The following CEACAM8 variants were observed in gnomAD, a reference collection of about 807,000 sequenced individuals.
CEACAM8 encodes CEA cell adhesion molecule 8.
Under a neutral mutation model 33.4 loss-of-function variants are expected in CEACAM8, and 31 were observed. That is an observed-to-expected ratio of 0.93 (90% CI 0.70 to 1.25). CEACAM8 has a LOEUF of 1.25. Among genes scored for constraint, CEACAM8 ranks in the 50% most tolerant of loss-of-function variants. The probability of loss-of-function intolerance (pLI) is 0.00; values close to 1 mark genes in which losing one functional copy is unlikely to be tolerated. For missense variants in CEACAM8, 388 were observed against 434.6 expected, an observed-to-expected ratio of 0.89 and a Z score of 0.95; for synonymous variants, 138 against 164.5, an observed-to-expected ratio of 0.84 and a Z score of 1.23.
chr19:42,588,732 C>T lies in CEACAM8; in HGVS notation c.958+52G>A, dbSNP rs1173038455. Reference sequence around the variant, plus strand: ...TTTTTTCTGGCTCATCTCTGAAAGCCAGATAGACTCTACCAGAAAACATAC... The same window carrying T: ...TTTTTTCTGGCTCATCTCTGAAAGCTAGATAGACTCTACCAGAAAACATAC... On this transcript the variant is annotated intron_variant, in intron 4 of 5. Transcript: ENST00000244336. The T allele has an allele frequency of 2.5e-6, 4 of 1,600,706 alleles. No individual in the cohort carries two copies. In the African/African-American group the frequency reaches 4.0e-5, roughly 16 times the overall value.
chr19:42,587,116 A>G (rs559022729), intron 4 of CEACAM8, among the ~76,000 whole-genome samples: 1 of 152,360 alleles, frequency 6.6e-6, no homozygotes, highest in South Asian at 2.1e-4. Flanking sequence ...AGGAAGTGGA[A>G]AAATTGGAGC....
intron 5 of CEACAM8, among the ~76,000 whole-genome samples, chr19:42,582,897 G>A (rs1446833785): frequency 6.6e-6 from 1 of 152,128 alleles, no homozygotes; most frequent in Non-Finnish European, 1.5e-5. Flanking sequence ...GCAGGACTTC[G>A]AGCAGTTGTT....
rs761038493 is a variant in CEACAM8, at chr19:42,580,674, T to C, written c.*720A>G. 6.6e-6 allele frequency: 1 copy of C among 152,398 alleles called. No individual in the cohort carries two copies. Among genetic ancestry groups the C allele is most frequent in the African/African-American group, 2.4e-5 (1 of 41,584 alleles). 9.4% of individuals were successfully genotyped at this position (152,398 alleles called of 1,614,324 possible). ...AGGTAGGGAGCAAAAGTAAATGTTATAATTTTTGTTCACAAAAGTCTGCTT... is the reference window on the plus strand; with the variant it reads ...AGGTAGGGAGCAAAAGTAAATGTTACAATTTTTGTTCACAAAAGTCTGCTT... On this transcript the variant is annotated 3_prime_UTR_variant, in exon 6 of 6. Transcript: ENST00000244336.
chr19:42,588,352 C>T (rs1198127107), intron 4 of CEACAM8, among the ~76,000 whole-genome samples: 1 of 152,214 alleles, frequency 6.6e-6, no homozygotes, highest in Non-Finnish European at 1.5e-5. Context: ...GGCTCCTCCT[C>T]CCATTTGGGG....
chr19:42,580,767 A>T lies in CEACAM8; in HGVS notation c.*627T>A, dbSNP rs1297556505. On this transcript the variant is annotated 3_prime_UTR_variant, in exon 6 of 6. Transcript: ENST00000244336. Reference sequence around the variant, plus strand: ...AATTCATAAATCTGAAAAAGAAAACACTTAAAGAATTGGCAATTTTTCAAA... The same window carrying T: ...AATTCATAAATCTGAAAAAGAAAACTCTTAAAGAATTGGCAATTTTTCAAA... 1 of 152,144 alleles carries T rather than the reference A, an allele frequency of 6.6e-6. No individual in the cohort carries two copies. Among genetic ancestry groups the T allele is most frequent in the East Asian group, 1.9e-4 (1 of 5,192 alleles). 9.4% of individuals were successfully genotyped at this position (152,144 alleles called of 1,614,324 possible). A position where few individuals can be genotyped will look rare whatever the true frequency, so the allele number is the denominator to read the frequency against.
intron 5 of CEACAM8, among the ~76,000 whole-genome samples, chr19:42,581,920 A>ATAT (rs1160147542): frequency 9.5e-4 from 24 of 25,306 alleles, no homozygotes; most frequent in East Asian, 1.7e-3. Context: ...AAAAAAAAAA[A>ATAT]ATATATATAT....
Position 42,594,879 on chromosome 19 carries a change from G to C in CEACAM8, c.-51C>G. On this transcript the variant is annotated 5_prime_UTR_variant, in exon 1 of 6. Transcript: ENST00000244336. ...TCTGTGGAGATGAGCCTGGGATCCA[G>C]AAACTTTCTGAGCACGGCTGTCAGC... The C allele has an allele frequency of 2.5e-6, 4 of 1,569,090 alleles. No individual in the cohort carries two copies. Among genetic ancestry groups the C allele is most frequent in the Non-Finnish European group, 2.6e-6 (3 of 1,153,406 alleles).
intron 2 of CEACAM8, among the ~76,000 whole-genome samples, chr19:42,590,159 A>T (rs2042410773): frequency 1.3e-5 from 2 of 152,138 alleles, no homozygotes; most frequent in South Asian, 4.1e-4. Flanking sequence ...GTTTCCAAGA[A>T]CATTCTAGAG....
chr19:42,589,397 C>A, intron 3 of CEACAM8, 60 bp downstream of exon 3: 1 of 1,611,284 alleles, frequency 6.2e-7, no homozygotes, highest in South Asian at 1.1e-5. Context: ...AGAGGCCTGG[C>A]CTCTGGCTGC....
At chr19:42,585,616 G>A (rs1355059989) in intron 4 of CEACAM8, among the ~76,000 whole-genome samples, 1 of 152,210 alleles carries the variant, frequency 6.6e-6, no homozygotes, top group African/African-American at 2.4e-5. Flanking sequence ...AAGGCAGTAT[G>A]TGAAAAGCCC....
intron 4 of CEACAM8, among the ~76,000 whole-genome samples, chr19:42,585,193 G>A (rs989137250): frequency 1.3e-5 from 2 of 152,050 alleles, no homozygotes; most frequent in Non-Finnish European, 2.9e-5. Flanking sequence ...AGCTACCTGG[G>A]AAGCTGAGTT....
intron 4 of CEACAM8, among the ~76,000 whole-genome samples, chr19:42,587,364 T>C (rs1268023122): frequency 1.3e-5 from 2 of 152,088 alleles, no homozygotes; most frequent in Admixed American, 6.6e-5. Flanking sequence ...GAAAGATAAG[T>C]GGATAGAAAA....
intron 1 of CEACAM8, 85 bp downstream of exon 1, chr19:42,594,678 CCT>C (rs2042513269): frequency 1.9e-6 from 2 of 1,050,468 alleles, no homozygotes; most frequent in African/African-American, 3.2e-5. Context: ...TCCTCTGTCC[CCT>C]CTCAGAGCCC....
At position 42,583,283 on chromosome 19, in the gene CEACAM8, A is replaced by T. The variant is rs1445537633; in HGVS notation, c.1013T>A (p.Ile338Asn). 1.9e-6 allele frequency: 3 copies of T among 1,613,446 alleles called. No individual in the cohort carries two copies. In the African/African-American group the frequency reaches 4.0e-5, roughly 22 times the overall value. The change falls in exon 5 of 6, where the codon ATC (isoleucine) becomes AAC (asparagine). Residue 338 changes from isoleucine to asparagine, a missense_variant. Physicochemically the swap from Ile to Asn is moderately radical, Grantham distance 149. Transcript: ENST00000244336. ...CACCCTGGCCAGTACTCCAATCATGATGCTGACAGTGGCTCTAGCTGAGAG... is the reference window on the plus strand; with the variant it reads ...CACCCTGGCCAGTACTCCAATCATGTTGCTGACAGTGGCTCTAGCTGAGAG... Reference protein sequence around the residue: ...PGLSARATVSIMIGVLARVAL... With the variant: ...PGLSARATVSNMIGVLARVAL...
chr19:42,583,451 C>A (rs1454750807), intron 4 of CEACAM8, 114 bp from the exon 5 acceptor site: 1 of 705,566 alleles, frequency 1.4e-6, no homozygotes, highest in East Asian at 2.8e-5. Context: ...TCAAGGAATA[C>A]ATTATTTTTG....
intron 5 of CEACAM8, among the ~76,000 whole-genome samples, chr19:42,582,278 G>A (rs929340640): frequency 1.1e-4 from 16 of 152,166 alleles, no homozygotes; most frequent in African/African-American, 3.6e-4. Flanking sequence ...TGATTCCAAT[G>A]TGTGGCTATA....
chr19:42,589,008 G>A lies in CEACAM8; in HGVS notation c.734C>T (p.Ser245Leu), dbSNP rs1386522217. 6.2e-7 allele frequency: 1 copy of A among 1,613,990 alleles called. No homozygotes were observed. The highest frequency in any genetic ancestry group is 1.7e-5 in the Admixed American group (1 of 60,028). The stretch of plus-strand genomic sequence containing the variant: ...TACCCCTGCATGGTAATAGGTGTCT[G>A]AAGGGGAAATGGTGGGGGCATCTGG... ...YGPDAPTISP[S>L]DTYYHAGVNL... Residue 245 changes from serine to leucine, a missense_variant, in exon 4 of 6, where the codon TCA becomes TTA. By Grantham distance (145) the Ser-to-Leu change is moderately radical. Coordinates refer to ENST00000244336, the MANE Select transcript of CEACAM8 (RefSeq NM_001816.4).
chr19:42,585,468 A>G (rs1015830913), intron 4 of CEACAM8, among the ~76,000 whole-genome samples: 1 of 152,238 alleles, frequency 6.6e-6, no homozygotes, highest in African/African-American at 2.4e-5. Flanking sequence ...ACAAATTCCA[A>G]GAAACACACA....
At chr19:42,582,117 G>T (rs2042270491) in intron 5 of CEACAM8, among the ~76,000 whole-genome samples, 1 of 151,178 alleles carries the variant, frequency 6.6e-6, no homozygotes, top group Admixed American at 6.6e-5. Context: ...AGCCTCATGT[G>T]CTACCTATTA....
Sources: gnomAD v4.1 joint callset for allele counts (sites outside exome capture counted in the v4.1 genomes callset) on GRCh38, gnomAD v4.1.1 for gene constraint, MANE v1.5 for transcripts, NCBI Gene and HGNC (gene_info 2026-07-23, HGNC 2026-07-21) for gene names.